Variants in MTUS2 observed in about 807,000 individuals in gnomAD.
The protein encoded by MTUS2 is microtubule associated scaffold protein 2.
MTUS2 carries 40 observed loss-of-function variants against 114.1 expected under a neutral mutation model. The ratio of observed to expected loss-of-function variants is 0.35; its 90% confidence interval spans 0.27 to 0.46. The LOEUF (loss-of-function observed/expected upper bound fraction) is 0.46, where lower values mean the gene tolerates loss of function less well. Ranked by LOEUF, MTUS2 falls within the 20% of genes least tolerant of loss-of-function variation. The probability of loss-of-function intolerance (pLI) is 1.00; values close to 1 mark genes in which losing one functional copy is unlikely to be tolerated. For missense variants in MTUS2, 1,679 were observed against 1,705.4 expected, an observed-to-expected ratio of 0.98 and a Z score of 0.27; for synonymous variants, 688 against 672.0, an observed-to-expected ratio of 1.02 and a Z score of -0.37.
chr13:29,127,241 C>T (rs2138938709), intron 5 of MTUS2, among the ~76,000 whole-genome samples: 1 of 152,276 alleles, frequency 6.6e-6, no homozygotes, highest in South Asian at 2.1e-4. Context: ...TGTCCTTCCA[C>T]ACTCCCTGGA....
chr13:28,894,972 C>T (rs145991282), intron 2 of MTUS2, among the ~76,000 whole-genome samples: 214 of 152,200 alleles, frequency 1.4e-3, no homozygotes, highest in African/African-American at 4.4e-3. Flanking sequence ...AAAAGAAGTA[C>T]GTAAGATGAA....
chr13:28,828,851 C>G, intron 1 of MTUS2, among the ~76,000 whole-genome samples: 1 of 152,152 alleles, frequency 6.6e-6, no homozygotes, highest in East Asian at 1.9e-4. Flanking sequence ...CCTTTTGTGT[C>G]AGGCTCCAGT....
At chr13:29,371,145 G>C (rs1230766859) in intron 8 of MTUS2, among the ~76,000 whole-genome samples, 1 of 151,990 alleles carries the variant, frequency 6.6e-6, no homozygotes, top group East Asian at 1.9e-4. Flanking sequence ...GTAAACACCT[G>C]ATGTATTCTG....
intron 2 of MTUS2, among the ~76,000 whole-genome samples, chr13:28,926,063 C>T (rs868560219): frequency 5.3e-5 from 8 of 152,188 alleles, no homozygotes; most frequent in African/African-American, 1.7e-4. Flanking sequence ...CTCTTCTGAT[C>T]ACCCCCTCTT....
intron 7 of MTUS2, among the ~76,000 whole-genome samples, chr13:29,351,603 T>G (rs1231398326): frequency 7.3e-6 from 1 of 136,056 alleles, no homozygotes; most frequent in Non-Finnish European, 1.5e-5. Flanking sequence ...GGTTAGTAAG[T>G]TTTTTTGTTT....
At chr13:29,471,418 C>T (rs1203848535) in intron 9 of MTUS2, among the ~76,000 whole-genome samples, 2 of 152,210 alleles carry the variant, frequency 1.3e-5, no homozygotes, top group Non-Finnish European at 2.9e-5. Flanking sequence ...GCCATGACAG[C>T]ATCTGTTCTC....
chr13:29,344,098 C>T lies in MTUS2; in HGVS notation c.2906-15164C>T, dbSNP rs1868422968. On this transcript the variant is annotated intron_variant, in intron 7 of 15. Coordinates refer to ENST00000612955, the MANE Select transcript of MTUS2 (RefSeq NM_001033602.4). ...ATGTGGTCTATCTTGTAGAATGTTC[C>T]ATGTGCTGATGAATGTACATTCTGC... is the stretch of plus-strand genomic sequence containing the variant. 2.0e-5 allele frequency among the ~76,000 whole-genome samples: 3 copies of T among 151,944 alleles called. No individual in the cohort carries two copies. The South Asian group carries it at 6.2e-4, about 31-fold the overall frequency.
intron 2 of MTUS2, among the ~76,000 whole-genome samples, chr13:29,016,969 C>G (rs1018535103): frequency 1.3e-5 from 2 of 152,054 alleles, no homozygotes; most frequent in East Asian, 1.9e-4. Flanking sequence ...TATAATTGTG[C>G]CTGATGAGAA....
intron 5 of MTUS2, among the ~76,000 whole-genome samples, chr13:29,215,833 C>G (rs1895657812): frequency 6.6e-6 from 1 of 152,156 alleles, no homozygotes. Context: ...GGAAGTGTCT[C>G]CCAGTCAGGA....
At chr13:29,172,968 C>T (rs1893621464) in intron 5 of MTUS2, among the ~76,000 whole-genome samples, 1 of 152,102 alleles carries the variant, frequency 6.6e-6, no homozygotes, top group African/African-American at 2.4e-5. Context: ...TTTTCCTCTT[C>T]ATTCTTTCAT....
intron 2 of MTUS2, among the ~76,000 whole-genome samples, chr13:28,869,008 G>A (rs771511045): frequency 1.1e-4 from 17 of 152,094 alleles, no homozygotes; most frequent in Non-Finnish European, 1.9e-4. Context: ...GAAGGTTGGC[G>A]GACATTTAAC....
intron 1 of MTUS2, among the ~76,000 whole-genome samples, chr13:28,823,698 T>A (rs566892180): frequency 1.0e-3 from 154 of 152,308 alleles, no homozygotes; most frequent in Non-Finnish European, 1.9e-3. Context: ...GAAAACACTG[T>A]AGCATGGTGT....
intron 5 of MTUS2, among the ~76,000 whole-genome samples, chr13:29,232,325 C>CACACACAT (rs71090234): frequency 0.063 from 9,580 of 151,576 alleles, 330 homozygotes; most frequent in Middle Eastern, 0.079. Flanking sequence ...CACACACACG[C>CACACACAT]ACACATACAC....
rs113556916 is a variant in MTUS2 at position 29,018,589 on chromosome 13, C to T, written c.-242-5868C>T. Among the ~76,000 whole-genome samples the T allele has an allele frequency of 2.5e-3, 373 of 152,152 alleles. 1 individual carries two copies. The highest frequency in any genetic ancestry group is 8.5e-3 in the African/African-American group (353 of 41,508). On this transcript the variant is annotated intron_variant, in intron 2 of 15. Coordinates refer to ENST00000612955, the MANE Select transcript of MTUS2 (RefSeq NM_001033602.4). ...CAGCCTGGCCATCATGGTGAAACCC[C>T]GTCTCTACTAAAATACAAAAATTAG... is the stretch of plus-strand genomic sequence containing the variant.
At chr13:29,023,590 A>G (rs1401776294) in intron 2 of MTUS2, among the ~76,000 whole-genome samples, 1 of 152,228 alleles carries the variant, frequency 6.6e-6, no homozygotes, top group Non-Finnish European at 1.5e-5. Flanking sequence ...TGGCATAATT[A>G]TAGCACGATT....
intron 2 of MTUS2, among the ~76,000 whole-genome samples, chr13:28,894,277 GGT>G (rs1879098613): frequency 1.5e-5 from 1 of 64,936 alleles, no homozygotes; most frequent in African/African-American, 1.2e-4. Context: ...AAGGAGAGTT[GGT>G]GGGGGGGGGG....
chr13:28,964,510 A>G (rs1287777826), intron 2 of MTUS2, among the ~76,000 whole-genome samples: 2 of 152,060 alleles, frequency 1.3e-5, no homozygotes, highest in African/African-American at 4.8e-5. Context: ...TGTCTTGTTC[A>G]CTGGCACAGC....
At chr13:29,342,162 A>G (rs1351066959) in intron 7 of MTUS2, among the ~76,000 whole-genome samples, 1 of 151,806 alleles carries the variant, frequency 6.6e-6, no homozygotes, top group Non-Finnish European at 1.5e-5. Context: ...TGAATTTTAG[A>G]ATTGTTTTTT....
chr13:28,990,990 A>T (rs1048195961), intron 2 of MTUS2, among the ~76,000 whole-genome samples: 1 of 152,200 alleles, frequency 6.6e-6, no homozygotes, highest in African/African-American at 2.4e-5. Context: ...TCTTGAAGTC[A>T]GCGAGACCAA....
Sources: gnomAD v4.1 joint callset for allele counts (sites outside exome capture counted in the v4.1 genomes callset) on GRCh38, gnomAD v4.1.1 for gene constraint, MANE v1.5 for transcripts, NCBI Gene and HGNC (gene_info 2026-07-23, HGNC 2026-07-21) for gene names.